Variants in SDK1 observed in about 807,000 individuals in gnomAD.
SDK1 encodes the protein sidekick cell adhesion molecule 1, also known as protein sidekick-1.
Under a neutral mutation model 245.5 loss-of-function variants are expected in SDK1, and 157 were observed. That is an observed-to-expected ratio of 0.64 (90% CI 0.56 to 0.73). The LOEUF (loss-of-function observed/expected upper bound fraction) is 0.73, where lower values mean the gene tolerates loss of function less well. Among genes scored for constraint, SDK1 ranks in the 30% least tolerant of loss-of-function variants. The probability of loss-of-function intolerance (pLI) is 0.00; values close to 1 mark genes in which losing one functional copy is unlikely to be tolerated. For missense variants in SDK1, 3,583 were observed against 3,002.3 expected, an observed-to-expected ratio of 1.19 and a Z score of -4.52; for synonymous variants, 1,647 against 1,278.5, an observed-to-expected ratio of 1.29 and a Z score of -6.15.
At chr7:3,341,212 C>T (rs371429549) in intron 1 of SDK1, among the ~76,000 whole-genome samples, 1 of 152,274 alleles carries the variant, frequency 6.6e-6, no homozygotes, top group East Asian at 1.9e-4. Flanking sequence ...ACTGGTTCAA[C>T]GTTCGAAAAT....
chr7:4,113,885 C>G (rs1472738642), intron 24 of SDK1, 152 bp from the exon 25 acceptor site: 1 of 621,578 alleles, frequency 1.6e-6, no homozygotes, highest in Admixed American at 3.1e-5. Context: ...ACAAAAGTTT[C>G]AGGGAAGAAT....
chr7:3,615,391 G>A lies in SDK1; in HGVS notation c.299-3689G>A, dbSNP rs374767385. 4.0e-5 allele frequency among the ~76,000 whole-genome samples: 6 copies of A among 151,750 alleles called. No individual in the cohort carries two copies. The South Asian group carries it at 6.2e-4, about 16-fold the overall frequency. ...TACATTCAAATTTAAGAATGCAGTTGATATACAGCTTAACGCATGTCAGTT... is the reference window on the plus strand; with the variant it reads ...TACATTCAAATTTAAGAATGCAGTTAATATACAGCTTAACGCATGTCAGTT... On this transcript the variant is annotated intron_variant, in intron 1 of 44. Coordinates refer to ENST00000404826, the MANE Select transcript of SDK1 (RefSeq NM_152744.4).
At chr7:3,527,360 G>A (rs1008419004) in intron 1 of SDK1, among the ~76,000 whole-genome samples, 1 of 152,178 alleles carries the variant, frequency 6.6e-6, no homozygotes, top group Non-Finnish European at 1.5e-5. Context: ...CGATGTGAAC[G>A]TGGAGATGAA....
intron 1 of SDK1, among the ~76,000 whole-genome samples, chr7:3,430,704 G>T (rs1450018301): frequency 1.3e-5 from 2 of 152,172 alleles, no homozygotes; most frequent in Non-Finnish European, 1.5e-5. Context: ...GAGTTCGTTA[G>T]GTATCCGTGG....
chr7:3,323,481 C>T (rs1445160866), intron 1 of SDK1, among the ~76,000 whole-genome samples: 1 of 152,184 alleles, frequency 6.6e-6, no homozygotes, highest in Non-Finnish European at 1.5e-5. Flanking sequence ...CACTTCCAAA[C>T]TCATTCACAT....
At position 3,384,200 on chromosome 7, in the gene SDK1, CTTTA is replaced by C. The variant is rs140775126; in HGVS notation, c.298+82319_298+82322del. 9.7e-3 allele frequency among the ~76,000 whole-genome samples: 1,477 copies of C among 152,108 alleles called. 26 individuals are homozygous for C. The highest frequency in any genetic ancestry group is 0.034 in the African/African-American group (1,392 of 41,522). ...CTTTTATTTTATCTTTAAATGCCAA[CTTTA>C]TTATGTATTTCTTAAAATTGATCTT... is the stretch of plus-strand genomic sequence containing the variant. On this transcript the variant is annotated intron_variant, in intron 1 of 44. Coordinates refer to ENST00000404826, the MANE Select transcript of SDK1 (RefSeq NM_152744.4).
intron 1 of SDK1, among the ~76,000 whole-genome samples, chr7:3,449,803 T>C (rs1780455479): frequency 6.6e-6 from 1 of 152,234 alleles, no homozygotes; most frequent in African/African-American, 2.4e-5. Flanking sequence ...TTTCAGCATT[T>C]TGTGAGGCTC....
At chr7:3,568,870 A>G (rs1174072399) in intron 1 of SDK1, among the ~76,000 whole-genome samples, 1 of 152,200 alleles carries the variant, frequency 6.6e-6, no homozygotes, top group African/African-American at 2.4e-5. Context: ...TTTATTCTAC[A>G]TTGCTAATAG....
At chr7:3,710,315 A>G (rs1196386886) in intron 4 of SDK1, among the ~76,000 whole-genome samples, 10 of 152,206 alleles carry the variant, frequency 6.6e-5, no homozygotes, top group Non-Finnish European at 4.4e-5. Context: ...TGGGCGTGAG[A>G]TCCTCACATA....
chr7:4,221,770 G>A (rs925451192), intron 40 of SDK1, among the ~76,000 whole-genome samples: 2 of 152,130 alleles, frequency 1.3e-5, no homozygotes, highest in South Asian at 2.1e-4. Context: ...CTGATAATAC[G>A]AAGATTCTTA....
intron 4 of SDK1, among the ~76,000 whole-genome samples, chr7:3,715,052 C>G (rs574005544): frequency 4.6e-5 from 7 of 152,146 alleles, no homozygotes; most frequent in African/African-American, 1.7e-4. Context: ...TCTCAGATGC[C>G]TCAGCTTCTC....
intron 17 of SDK1, among the ~76,000 whole-genome samples, chr7:4,031,094 CACAT>C (rs1249756881): frequency 1.3e-5 from 2 of 152,144 alleles, no homozygotes; most frequent in African/African-American, 4.8e-5. Context: ...CACATGCACA[CACAT>C]GCATGTGGAC....
Position 3,622,395 on chromosome 7 carries a change from C to T in SDK1, c.458+3156C>T, listed in dbSNP as rs889285748. Among the ~76,000 whole-genome samples, 7 of 152,256 alleles carry T rather than the reference C, an allele frequency of 4.6e-5. 1 individual carries two copies. Among genetic ancestry groups the T allele is most frequent in the Middle Eastern group, 3.4e-3 (1 of 294 alleles). On this transcript the variant is annotated intron_variant, in intron 2 of 44. Coordinates refer to ENST00000404826, the MANE Select transcript of SDK1 (RefSeq NM_152744.4). ...ACTTGGGAGGCTGAGGCAGGAGAAT[C>T]GCTTGAGCCCAGGAGGCAGAGGTTG...
At chr7:3,397,746 T>C (rs767517593) in intron 1 of SDK1, among the ~76,000 whole-genome samples, 1 of 152,140 alleles carries the variant, frequency 6.6e-6, no homozygotes, top group Admixed American at 6.5e-5. Context: ...ATTTCTGTTG[T>C]AGTGTTTTTG....
chr7:4,182,626 AG>A (rs1334557840), intron 35 of SDK1, among the ~76,000 whole-genome samples: 2 of 152,150 alleles, frequency 1.3e-5, no homozygotes, highest in Admixed American at 6.5e-5. Context: ...GAGGGAGAGG[AG>A]GGAGAAGGAA....
intron 5 of SDK1, among the ~76,000 whole-genome samples, chr7:3,838,005 A>G (rs1780064639): frequency 6.6e-6 from 1 of 152,178 alleles, no homozygotes; most frequent in Non-Finnish European, 1.5e-5. Context: ...CCTTGCACAT[A>G]TGAGCAGGAT....
intron 13 of SDK1, among the ~76,000 whole-genome samples, chr7:3,984,816 C>T (rs1269010613): frequency 1.3e-5 from 2 of 152,172 alleles, no homozygotes; most frequent in East Asian, 1.9e-4. Flanking sequence ...CAATGAGCTG[C>T]CCTTGGGGTC....
chr7:3,806,167 G>T (rs1044404221), intron 4 of SDK1, among the ~76,000 whole-genome samples: 7 of 152,158 alleles, frequency 4.6e-5, no homozygotes, highest in Non-Finnish European at 8.8e-5. Flanking sequence ...CTCACTGCTG[G>T]GACTTTGTCT....
At chr7:3,656,604 C>T (rs1225242664) in intron 4 of SDK1, among the ~76,000 whole-genome samples, 1 of 152,074 alleles carries the variant, frequency 6.6e-6, no homozygotes, top group Non-Finnish European at 1.5e-5. Flanking sequence ...GGTGACACTG[C>T]AGGATACATC....
Sources: gnomAD v4.1 joint callset for allele counts (sites outside exome capture counted in the v4.1 genomes callset) on GRCh38, gnomAD v4.1.1 for gene constraint, MANE v1.5 for transcripts, NCBI Gene and HGNC (gene_info 2026-07-23, HGNC 2026-07-21) for gene names.